Variants in FOXJ3 observed in about 807,000 individuals in gnomAD.
The protein encoded by FOXJ3 is forkhead box J3.
Under a neutral mutation model 76.1 loss-of-function variants are expected in FOXJ3, and 22 were observed. The observed-to-expected ratio is 0.29, with a 90% CI of 0.21 to 0.41. The LOEUF is 0.41. FOXJ3 is among the 10% of genes least tolerant of loss of function. The probability of loss-of-function intolerance (pLI) is 1.00; values close to 1 mark genes in which losing one functional copy is unlikely to be tolerated. For missense variants in FOXJ3, 613 were observed against 762.1 expected (o/e 0.80, Z 2.30); for synonymous variants, 269 against 261.2 (o/e 1.03, Z -0.29).
At position 42,177,030 on chromosome 1, in the gene FOXJ3, T is replaced by TA. The variant is rs1330346227; in HGVS notation, c.*2679_*2680insT. 1.3e-5 allele frequency: 2 copies of TA among 152,674 alleles called. No individual in the cohort carries two copies. Among genetic ancestry groups the TA allele is most frequent in the Non-Finnish European group, 2.9e-5 (2 of 68,042 alleles). 9.5% of individuals were successfully genotyped at this position (152,674 alleles called of 1,614,324 possible). The stretch of plus-strand genomic sequence containing the variant: ...CCATTTGTTTACATGCATTTACTAT[T>TA]CTTTCCCCCTAAAGTCTTCAGTCAA... On this transcript the variant is annotated 3_prime_UTR_variant, in exon 13 of 13. Coordinates refer to ENST00000361346, the MANE Select transcript of FOXJ3 (RefSeq NM_014947.5).
intron 3 of FOXJ3, among the ~76,000 whole-genome samples, chr1:42,267,825 A>C (rs1651583807): frequency 6.6e-6 from 1 of 152,182 alleles, no homozygotes; most frequent in Non-Finnish European, 1.5e-5. Flanking sequence ...AAACATGATT[A>C]AAGATTTTTA....
chr1:42,250,869 G>C (rs761915001), intron 4 of FOXJ3, among the ~76,000 whole-genome samples: 15 of 147,130 alleles, frequency 1.0e-4, no homozygotes, highest in Non-Finnish European at 1.9e-4. Context: ...CAGAATCAGA[G>C]TCAGAGATCC....
chr1:42,193,211 TCTC>T (rs1646584481), intron 8 of FOXJ3, among the ~76,000 whole-genome samples: 1 of 151,986 alleles, frequency 6.6e-6, no homozygotes, highest in African/African-American at 2.4e-5. Context: ...TCTGCACAGT[TCTC>T]CTCCTGCAGT....
chr1:42,227,301 G>A (rs1380770001), intron 5 of FOXJ3, among the ~76,000 whole-genome samples: 2 of 152,156 alleles, frequency 1.3e-5, no homozygotes, highest in South Asian at 2.1e-4. Context: ...GAAAGCTGAC[G>A]GCAGTCAAAG....
rs1255023259 is a variant in FOXJ3, at chr1:42,177,785, T to C, written c.*1925A>G. 6.6e-6 allele frequency: 1 copy of C among 151,946 alleles called. No individual in the cohort carries two copies. The highest frequency in any genetic ancestry group is 1.5e-5 in the Non-Finnish European group (1 of 67,918). The allele number at this position is 151,946 out of a possible 1,614,324, so 9.4% of individuals were successfully genotyped here. A position where few individuals can be genotyped will look rare whatever the true frequency, so the allele number is the denominator to read the frequency against. On this transcript the variant is annotated 3_prime_UTR_variant, in exon 13 of 13. Transcript: ENST00000361346. ...CACACACACACACGCGCGCGCACAC[T>C]CTCACACACAGCACACACACACAGA...
intron 2 of FOXJ3, among the ~76,000 whole-genome samples, chr1:42,287,641 T>C (rs1653144350): frequency 6.6e-6 from 1 of 152,048 alleles, no homozygotes. Flanking sequence ...GGGTTCTGAA[T>C]TTATACAATC....
At chr1:42,203,975 G>A (rs1209087641) in intron 6 of FOXJ3, among the ~76,000 whole-genome samples, 8 of 146,216 alleles carry the variant, frequency 5.5e-5, no homozygotes, top group Admixed American at 4.2e-4. Context: ...CAGTCTGGGC[G>A]ACACAGTGAG....
At chr1:42,268,154 C>T (rs1271751935) in intron 3 of FOXJ3, among the ~76,000 whole-genome samples, 1 of 151,818 alleles carries the variant, frequency 6.6e-6, no homozygotes, top group Middle Eastern at 3.2e-3. Context: ...TCCACATCCC[C>T]ATATTAATTA....
Position 42,188,746 on chromosome 1 carries a change from T to C in FOXJ3, c.1636A>G (p.Ile546Val). ...AMHPTKPSQH[I>V]GTGNLYIDSR... ...ATAACTAACCCCATACCTGTTCCAA[T>C]GTGTTGGGAAGGTTTTGTTGGATGC... Residue 546 changes from isoleucine to valine, a missense_variant, in exon 11 of 13, where the codon ATT (isoleucine) becomes GTT (valine). Transcript: ENST00000361346. 2 of 1,584,540 alleles carry C rather than the reference T, an allele frequency of 1.3e-6. No individual in the cohort carries two copies. The highest frequency in any genetic ancestry group is 8.6e-7 in the Non-Finnish European group (1 of 1,162,816).
At chr1:42,324,115 G>GTATTATATACAGTA (rs1655634210) in intron 1 of FOXJ3, among the ~76,000 whole-genome samples, 1 of 52,372 alleles carries the variant, frequency 1.9e-5, no homozygotes, top group Non-Finnish European at 3.3e-5. Flanking sequence ...TATATACACT[G>GTATTATATACAGTA]TATATACACA....
At chr1:42,246,473 G>A (rs1297876886) in intron 4 of FOXJ3, among the ~76,000 whole-genome samples, 1 of 151,994 alleles carries the variant, frequency 6.6e-6, no homozygotes, top group Non-Finnish European at 1.5e-5. Flanking sequence ...ATCAAAACCA[G>A]AAGGTGATAT....
intron 1 of FOXJ3, chr1:42,334,058 A>G (rs914465692): frequency 1.9e-6 from 1 of 522,140 alleles, no homozygotes; most frequent in African/African-American, 2.1e-5. Context: ...ACAGACGTGG[A>G]ATGCACCAAC....
At chr1:42,222,067 A>G (rs920610985) in intron 5 of FOXJ3, among the ~76,000 whole-genome samples, 56 of 129,200 alleles carry the variant, frequency 4.3e-4, no homozygotes, top group African/African-American at 8.1e-4. Context: ...GAAGAAGAAG[A>G]AGAAGAAGAA....
At chr1:42,243,787 A>C (rs1649332423) in intron 4 of FOXJ3, among the ~76,000 whole-genome samples, 1 of 152,204 alleles carries the variant, frequency 6.6e-6, no homozygotes, top group African/African-American at 2.4e-5. Context: ...TCAAACAAAG[A>C]AACACTGGAT....
chr1:42,291,099 C>CAGACAGACAGAT (rs67792405), intron 2 of FOXJ3, among the ~76,000 whole-genome samples: 64 of 149,048 alleles, frequency 4.3e-4, no homozygotes, highest in African/African-American at 1.5e-3. Context: ...GACAGACAGA[C>CAGACAGACAGAT]AGATAGATCC....
chr1:42,284,081 CAG>C (rs1438092782), intron 2 of FOXJ3, among the ~76,000 whole-genome samples: 1 of 152,150 alleles, frequency 6.6e-6, no homozygotes, highest in Non-Finnish European at 1.5e-5. Context: ...ATCCCAGCCG[CAG>C]ACTGCCTACC....
rs750432109 is a variant in FOXJ3 at position 42,191,418 on chromosome 1, G to C, written c.1236C>G (p.Ser412=). 6.2e-7 allele frequency: 1 copy of C among 1,610,340 alleles called. No individual in the cohort carries two copies. Among genetic ancestry groups the C allele is most frequent in the Non-Finnish European group, 8.5e-7 (1 of 1,176,830 alleles). ...PHPQQHSQLQ[S]PHPQHPSPHQ... ...GTGGAGAGGGATGCTGGGGGTGAGG[G>C]GACTGGAGCTGGCTGTGTTGCTGTG... The change falls in exon 9 of 13, where the codon TCC becomes TCG. Residue 412 remains serine, a synonymous_variant. Transcript: ENST00000361346.
intron 3 of FOXJ3, among the ~76,000 whole-genome samples, chr1:42,266,178 T>A (rs1651452513): frequency 6.6e-6 from 1 of 152,132 alleles, no homozygotes; most frequent in South Asian, 2.1e-4. Flanking sequence ...CAAGAATGCC[T>A]ATAATAAAAC....
intron 4 of FOXJ3, among the ~76,000 whole-genome samples, chr1:42,262,708 G>T (rs1651141607): frequency 6.6e-6 from 1 of 152,042 alleles, no homozygotes; most frequent in Non-Finnish European, 1.5e-5. Context: ...AGTTAGCCAG[G>T]CATGATGATG....
Sources: allele counts gnomAD v4.1 joint callset (sites outside exome capture counted in the v4.1 genomes callset), GRCh38; gene constraint gnomAD v4.1.1; transcripts MANE v1.5; gene names NCBI Gene and HGNC (gene_info 2026-07-23, HGNC 2026-07-21).